CUX1: variants seen among roughly 807,000 people sequenced by gnomAD.
The protein encoded by CUX1 is protein CASP.
In CUX1, 31 loss-of-function variants were observed where a neutral mutation model predicts 158.8. The observed-to-expected ratio is 0.20, with a 90% CI of 0.15 to 0.26. CUX1 has a LOEUF of 0.26. Ranked by LOEUF, CUX1 falls within the 10% of genes least tolerant of loss-of-function variation. CUX1 has a pLI of 1.00. For missense variants in CUX1, 1,589 were observed against 2,014.6 expected, an observed-to-expected ratio of 0.79 and a Z score of 4.04; for synonymous variants, 879 against 862.1, an observed-to-expected ratio of 1.02 and a Z score of -0.34.
chr7:101,841,662 A>T (rs1482593025), intron 1 of CUX1, among the ~76,000 whole-genome samples: 1 of 151,874 alleles, frequency 6.6e-6, no homozygotes, highest in Non-Finnish European at 1.5e-5. Context: ...GGTTCAAGTG[A>T]TCCTCCCACC....
intron 2 of CUX1, among the ~76,000 whole-genome samples, chr7:102,008,985 G>A (rs1348981758): frequency 1.3e-5 from 2 of 152,126 alleles, no homozygotes; most frequent in Non-Finnish European, 2.9e-5. Flanking sequence ...AGAGAAGGGA[G>A]GTACAGGGAA....
In CUX1 at chr7:101,916,241, A is replaced by ATCGTGTTC; in HGVS notation, c.141+17_141+24dup. ...CACTCCAGAGGTGAGGCGCGTGACCATCGTGTTCGCTTTGAAGGGATCTTA... is the reference window on the plus strand; with the variant it reads ...CACTCCAGAGGTGAGGCGCGTGACCATCGTGTTCTCGTGTTCGCTTTGAAGGGATCTTA... On this transcript the variant is annotated intron_variant, in intron 2 of 23. Coordinates refer to ENST00000292535, the MANE Select transcript of CUX1 (RefSeq NM_181552.4). This position sits in a 1 kb window ranked among gnomAD's most constrained non-coding sequence, Gnocchi z 4.4. 1 of 1,511,226 alleles carries ATCGTGTTC rather than the reference A, an allele frequency of 6.6e-7. No individual in the cohort carries two copies. 93.6% of individuals were successfully genotyped at this position (1,511,226 alleles called of 1,614,324 possible). A position where few individuals can be genotyped will look rare whatever the true frequency, so the allele number is the denominator to read the frequency against.
intron 20 of CUX1, among the ~76,000 whole-genome samples, chr7:102,219,054 A>AC (rs1563431341): frequency 2.3e-4 from 30 of 128,588 alleles, no homozygotes; most frequent in Non-Finnish European, 4.8e-4. Flanking sequence ...CCCTGCCTCA[A>AC]AACACACACA....
chr7:102,092,217 T>A (rs1828650935), intron 4 of CUX1, among the ~76,000 whole-genome samples: 1 of 152,204 alleles, frequency 6.6e-6, no homozygotes, highest in South Asian at 2.1e-4. Flanking sequence ...GTGCACAGGC[T>A]CCCTCTCCCA....
At chr7:102,079,212 C>T (rs967623423) in intron 4 of CUX1, among the ~76,000 whole-genome samples, 4 of 152,100 alleles carry the variant, frequency 2.6e-5, no homozygotes, top group East Asian at 1.9e-4. Context: ...CCGAGGCAGG[C>T]GGATCACCTG....
intron 1 of CUX1, among the ~76,000 whole-genome samples, chr7:101,821,529 G>A (rs200848588): frequency 3.4e-5 from 5 of 148,768 alleles, no homozygotes; most frequent in South Asian, 2.1e-4. Flanking sequence ...TAGTAGAGAC[G>A]GGGTTTCACC....
At chr7:102,144,818 T>A (rs1437934401) in intron 8 of CUX1, among the ~76,000 whole-genome samples, 1 of 152,056 alleles carries the variant, frequency 6.6e-6, no homozygotes, top group Non-Finnish European at 1.5e-5. Context: ...CTGGGCGCAA[T>A]GGCTCACGTC....
At chr7:101,877,882 G>C (rs968473502) in intron 1 of CUX1, among the ~76,000 whole-genome samples, 7 of 151,770 alleles carry the variant, frequency 4.6e-5, no homozygotes, top group Admixed American at 2.0e-4. Context: ...AGATATTTGG[G>C]TTGCTTCCTT....
Position 102,178,633 on chromosome 7 carries a change from G to T in CUX1, c.993G>T (p.Leu331=). 1 of 1,610,418 alleles carries T rather than the reference G, an allele frequency of 6.2e-7. No homozygotes were observed. The highest frequency in any genetic ancestry group is 8.5e-7 in the Non-Finnish European group (1 of 1,178,238). The change falls in exon 11 of 24, where the codon CTG becomes CTT. Residue 331 remains leucine (L), a synonymous_variant. Transcript: ENST00000292535. ...ASQISQLEQQ[L]SAKNSTLKQL... ...AGATCTCACAGCTTGAGCAGCAGCT[G>T]AGCGCCAAAAACAGCACACTCAAAG...
At position 102,255,797 on chromosome 7, in the gene CUX1, T is replaced by G; in HGVS notation, c.*6755T>G. 6 of 985,358 alleles carry G rather than the reference T, an allele frequency of 6.1e-6. No homozygotes were observed. Among genetic ancestry groups the G allele is most frequent in the Non-Finnish European group, 7.2e-6 (6 of 829,862 alleles). The allele number at this position is 985,358 out of a possible 1,614,324, so 61.0% of individuals were successfully genotyped here. On this transcript the variant is annotated 3_prime_UTR_variant, in exon 24 of 24. Coordinates refer to ENST00000292535, the MANE Select transcript of CUX1 (RefSeq NM_181552.4). ...CACGGAGCTGCTTTTGTTTTATAAT[T>G]CTTTTTTCCCCCCTTTTCCTTCTTC...
At chr7:102,042,969 T>C (rs1822292019) in intron 3 of CUX1, among the ~76,000 whole-genome samples, 1 of 152,102 alleles carries the variant, frequency 6.6e-6, no homozygotes, top group South Asian at 2.1e-4. Flanking sequence ...TTTTCGATTT[T>C]AGTAAAGCCG....
chr7:102,239,739 T>TTTTC lies in CUX1; in HGVS notation c.3887+158_3887+159insCTTT, dbSNP rs1554534246. On this transcript the variant is annotated intron_variant, in intron 23 of 23. Coordinates refer to ENST00000292535, the MANE Select transcript of CUX1 (RefSeq NM_181552.4). Reference sequence around the variant, plus strand: ...CGTTCCTTGGTCCCTTAGGGTTTTTTTTTTCTTTTCTTTTCTTTTCTTTTG... The same window carrying TTTTC: ...CGTTCCTTGGTCCCTTAGGGTTTTTTTTTCTTTTCTTTTCTTTTCTTTTCTTTTG... Among the ~76,000 whole-genome samples, 1,312 of 149,106 alleles carry TTTTC rather than the reference T, an allele frequency of 8.8e-3. 7 individuals are homozygous for TTTTC. The highest frequency in any genetic ancestry group is 0.014 in the Non-Finnish European group (942 of 67,104).
intron 1 of CUX1, among the ~76,000 whole-genome samples, chr7:101,859,964 C>A (rs1383198187): frequency 6.7e-6 from 1 of 150,192 alleles, no homozygotes; most frequent in Non-Finnish European, 1.5e-5. Context: ...CTTCCTTCCC[C>A]TTTCTTTTTC....
rs1233370271 is a variant in CUX1 at position 102,132,323 on chromosome 7, G to A, written c.674+17050G>A. Among the ~76,000 whole-genome samples, 6 of 338 alleles carry A rather than the reference G, an allele frequency of 0.018. No homozygotes were observed. The East Asian group carries it at 0.5, about 28-fold the overall frequency. 0.2% of individuals were successfully genotyped at this position (338 alleles called of 152,430 possible). A position where few individuals can be genotyped will look rare whatever the true frequency, so the allele number is the denominator to read the frequency against. On this transcript the variant is annotated intron_variant, in intron 8 of 23. Transcript: ENST00000292535. ...TGTGTGTGTGTGCGCGCGCGCGCGC[G>A]CACGCCACGCACACACGCATCTTTA...
At chr7:102,187,888 C>A (rs1793806279) in intron 11 of CUX1, among the ~76,000 whole-genome samples, 1 of 152,102 alleles carries the variant, frequency 6.6e-6, no homozygotes, top group Admixed American at 6.5e-5. Context: ...TCTCAGTTGG[C>A]TTTAAACTGT....
rs781989564 is a variant in CUX1 at position 102,275,360 on chromosome 7, G to GT, written c.1563+2dup. 17 of 1,609,424 alleles carry GT rather than the reference G, an allele frequency of 1.1e-5. No homozygotes were observed. Among genetic ancestry groups the GT allele is most frequent in the Non-Finnish European group, 1.3e-5 (15 of 1,177,230 alleles). ...TGCCCGGAACCAGGAGCTTGAGGCC[G>GT]TGAGTCACATCCTTCTCTCCCTGAT... On this transcript the variant is annotated splice_donor_variant, in intron 17 of 22. Coordinates refer to the CUX1 transcript ENST00000292538. LOFTEE classifies it high-confidence loss of function.
intron 6 of CUX1, 32 bp downstream of exon 6, chr7:102,104,491 A>G: frequency 3.1e-6 from 5 of 1,605,862 alleles, no homozygotes; most frequent in South Asian, 1.1e-5. Flanking sequence ...ACACAGACTG[A>G]CATAGCATTT....
chr7:101,867,292 A>G (rs1462850481), intron 1 of CUX1, among the ~76,000 whole-genome samples: 1 of 152,176 alleles, frequency 6.6e-6, no homozygotes, highest in Non-Finnish European at 1.5e-5. Flanking sequence ...AAGGGAAGGA[A>G]TGGCTGGAGT....
At chr7:102,149,479 A>T (rs1835394142) in intron 8 of CUX1, among the ~76,000 whole-genome samples, 1 of 138,036 alleles carries the variant, frequency 7.2e-6, no homozygotes, top group African/African-American at 2.7e-5. Flanking sequence ...GCTAGCGAGA[A>T]GGGAGTCCCA....
Sources: gnomAD v4.1 joint callset for allele counts (sites outside exome capture counted in the v4.1 genomes callset) on GRCh38, gnomAD v4.1.1 for gene constraint, Gnocchi (gnomAD v3.1) non-coding constraint, MANE v1.5 for transcripts, NCBI Gene and HGNC (gene_info 2026-07-23, HGNC 2026-07-21) for gene names.